Variants in BTBD10 observed in about 807,000 individuals in gnomAD.
The protein encoded by BTBD10 is BTB/POZ domain-containing protein 10.
A neutral mutation model predicts 53.2 loss-of-function variants in BTBD10; 21 were observed. The ratio of observed to expected loss-of-function variants is 0.39; its 90% CI spans 0.28 to 0.57. BTBD10 has a LOEUF of 0.57. BTBD10 is among the 20% of genes least tolerant of loss of function. The probability of loss-of-function intolerance (pLI) is 0.53; values close to 1 mark genes in which losing one functional copy is unlikely to be tolerated. For missense variants in BTBD10, 360 were observed against 594.7 expected (o/e 0.61, Z 4.10); for synonymous variants, 149 against 192.7 (o/e 0.77, Z 1.88).
Position 13,405,815 on chromosome 11 carries a change from G to A in BTBD10, c.850C>T (p.Gln284Ter). 6.2e-7 allele frequency: 1 copy of A among 1,613,578 alleles called. No homozygotes were observed. Among genetic ancestry groups the A allele is most frequent in the Non-Finnish European group, 8.5e-7 (1 of 1,179,630 alleles). The change falls in exon 7 of 9, where the codon CAA (glutamine) becomes TAA (stop). Residue 284 changes from glutamine (Q) to a stop codon, truncating the protein, a stop_gained. Coordinates refer to ENST00000278174, the MANE Select transcript of BTBD10 (RefSeq NM_032320.7). LOFTEE classifies it high-confidence loss of function. ...ATTTCTTCCAGATAAAATTCAAATT[G>A]TCTACGAGCACCATCATTTGATAAC... ...HELSNDGARR[Q>*]FEFYLEEMIL...
chr11:13,425,559 G>A (rs1348612529), intron 2 of BTBD10, among the ~76,000 whole-genome samples: 1 of 151,912 alleles, frequency 6.6e-6, no homozygotes, highest in East Asian at 1.9e-4. Flanking sequence ...TATAACCACA[G>A]CCCTCCAAAA....
intron 1 of BTBD10, among the ~76,000 whole-genome samples, chr11:13,448,507 C>T (rs748904222): frequency 5.9e-5 from 9 of 152,172 alleles, no homozygotes; most frequent in Non-Finnish European, 1.3e-4. Flanking sequence ...TGGCCTCTCA[C>T]ATCAATTAAT....
At chr11:13,454,816 T>C (rs1950930592) in intron 1 of BTBD10, among the ~76,000 whole-genome samples, 1 of 152,212 alleles carries the variant, frequency 6.6e-6, no homozygotes, top group Admixed American at 6.5e-5. Flanking sequence ...GGCATTTTGA[T>C]AACTGCTAGG....
chr11:13,403,581 A>G lies in BTBD10; in HGVS notation c.1007-303T>C, dbSNP rs191841537. On this transcript the variant is annotated intron_variant, in intron 7 of 8. Transcript: ENST00000278174. Reference sequence around the variant, plus strand: ...ATTTATTGGAATGGGATCTGCCCCAAGTTTCAAATAAGAGAATCCAAAGAA... The same window carrying G: ...ATTTATTGGAATGGGATCTGCCCCAGGTTTCAAATAAGAGAATCCAAAGAA... 1.6e-3 allele frequency among the ~76,000 whole-genome samples: 242 copies of G among 152,332 alleles called. 1 individual carries two copies. Among genetic ancestry groups the G allele is most frequent in the Admixed American group, 2.0e-3 (30 of 15,304 alleles).
At chr11:13,420,543 T>C (rs1950223940) in intron 3 of BTBD10, among the ~76,000 whole-genome samples, 1 of 152,162 alleles carries the variant, frequency 6.6e-6, no homozygotes, top group Non-Finnish European at 1.5e-5. Flanking sequence ...TTTTGTGATA[T>C]ATTTCATTTA....
intron 2 of BTBD10, among the ~76,000 whole-genome samples, chr11:13,434,052 A>AT (rs1950503740): frequency 6.6e-6 from 1 of 152,178 alleles, no homozygotes; most frequent in Admixed American, 6.5e-5. Flanking sequence ...TGTCGGATAT[A>AT]TTTTTCCCAT....
At chr11:13,404,747 T>C (rs1193042791) in intron 7 of BTBD10, 2 of 266,686 alleles carry the variant, frequency 7.5e-6, no homozygotes, top group African/African-American at 2.3e-5. Flanking sequence ...AAGAAATATC[T>C]CAATGCAAAC....
In BTBD10 at chr11:13,388,306, C is replaced by CAA. The variant is rs2135718700; in HGVS notation, c.*523_*524dup. ...CTCATCCTGATCATTCAGATAAGCCCAAGATAAATACTTTTTGCTCATCAA... is the reference window on the plus strand; with the variant it reads ...CTCATCCTGATCATTCAGATAAGCCCAAAAGATAAATACTTTTTGCTCATCAA... On this transcript the variant is annotated 3_prime_UTR_variant, in exon 9 of 9. Transcript: ENST00000278174. 6.5e-6 allele frequency: 1 copy of CAA among 154,326 alleles called. No homozygotes were observed. Among genetic ancestry groups the CAA allele is most frequent in the Admixed American group, 6.4e-5 (1 of 15,678 alleles). The allele number at this position is 154,326 out of a possible 1,614,324, so 9.6% of individuals were successfully genotyped here. A position where few individuals can be genotyped will look rare whatever the true frequency, so the allele number is the denominator to read the frequency against.
chr11:13,437,944 A>G (rs1454567202), intron 2 of BTBD10, among the ~76,000 whole-genome samples: 1 of 152,044 alleles, frequency 6.6e-6, no homozygotes, highest in East Asian at 1.9e-4. Context: ...CCAGAAGACA[A>G]CTCATTTAAT....
At chr11:13,427,264 G>A (rs1328557638) in intron 2 of BTBD10, among the ~76,000 whole-genome samples, 1 of 152,058 alleles carries the variant, frequency 6.6e-6, no homozygotes, top group Non-Finnish European at 1.5e-5. Flanking sequence ...ATGCTATATG[G>A]TACAAAGAGA....
intron 2 of BTBD10, among the ~76,000 whole-genome samples, chr11:13,442,681 G>A (rs185704720): frequency 2.0e-5 from 3 of 152,182 alleles, no homozygotes; most frequent in Non-Finnish European, 4.4e-5. Flanking sequence ...CATAGTTTAA[G>A]TGCCTTATTG....
chr11:13,431,383 A>C (rs571888666), intron 2 of BTBD10, among the ~76,000 whole-genome samples: 8 of 152,308 alleles, frequency 5.3e-5, no homozygotes, highest in Non-Finnish European at 8.8e-5. Context: ...AGAACCCTTA[A>C]TCATGATCCT....
intron 2 of BTBD10, among the ~76,000 whole-genome samples, chr11:13,434,324 C>T (rs1950508230): frequency 6.6e-6 from 1 of 152,056 alleles, no homozygotes; most frequent in Non-Finnish European, 1.5e-5. Context: ...AAAAAGAGTG[C>T]CACCGCTTTG....
At chr11:13,396,674 G>C (rs1949559685) in intron 8 of BTBD10, among the ~76,000 whole-genome samples, 1 of 152,068 alleles carries the variant, frequency 6.6e-6, no homozygotes, top group South Asian at 2.1e-4. Flanking sequence ...ACTGGCTGTG[G>C]GTTTGTCATA....
At chr11:13,416,882 G>A (rs1465355991) in intron 5 of BTBD10, among the ~76,000 whole-genome samples, 1 of 152,156 alleles carries the variant, frequency 6.6e-6, no homozygotes, top group Non-Finnish European at 1.5e-5. Context: ...TACTCAGGAG[G>A]TGTGTGGCAG....
chr11:13,432,973 C>T (rs148486188), intron 2 of BTBD10, among the ~76,000 whole-genome samples: 90 of 152,026 alleles, frequency 5.9e-4, no homozygotes, highest in African/African-American at 2.0e-3. Context: ...GCACTCATAT[C>T]AGAAAACTGT....
At chr11:13,446,858 C>T (rs1429041702) in intron 1 of BTBD10, among the ~76,000 whole-genome samples, 1 of 151,978 alleles carries the variant, frequency 6.6e-6, no homozygotes, top group South Asian at 2.1e-4. Context: ...CTCAATTTTA[C>T]TTTATGACTA....
intron 2 of BTBD10, among the ~76,000 whole-genome samples, chr11:13,436,578 G>C (rs908395296): frequency 6.6e-6 from 1 of 152,170 alleles, no homozygotes; most frequent in African/African-American, 2.4e-5. Context: ...TGGAAACTTA[G>C]CGGCTAAGCA....
Position 13,405,631 on chromosome 11 carries a change from G to C in BTBD10, c.1006+28C>G, listed in dbSNP as rs549921368. The C allele has an allele frequency of 1.8e-5, 29 of 1,609,736 alleles. No homozygotes were observed. In the South Asian group the frequency reaches 2.0e-4, roughly 11 times the overall value. The stretch of plus-strand genomic sequence containing the variant: ...CAAGAAATAATTCGTGATGATTCAG[G>C]GGAGAGAAAACATGCCAGAGTACGT... On this transcript the variant is annotated intron_variant, in intron 7 of 8. Coordinates refer to ENST00000278174, the MANE Select transcript of BTBD10 (RefSeq NM_032320.7).
Sources: allele counts gnomAD v4.1 joint callset (sites outside exome capture counted in the v4.1 genomes callset), GRCh38; gene constraint gnomAD v4.1.1; transcripts MANE v1.5; gene names NCBI Gene and HGNC (gene_info 2026-07-23, HGNC 2026-07-21).